The following RERE variants were observed in gnomAD, a reference collection of about 807,000 sequenced individuals.
The protein encoded by RERE is arginine-glutamic acid dipeptide repeats.
In RERE, 40 loss-of-function variants were observed where a neutral mutation model predicts 146.1. The observed-to-expected ratio is 0.27, with a 90% CI of 0.21 to 0.36. The LOEUF is 0.36. Ranked by LOEUF, RERE falls within the 10% of genes least tolerant of loss-of-function variation. The pLI, the probability that RERE is intolerant of heterozygous loss-of-function variation, is 1.00. For synonymous variants in RERE, 1,003 were observed against 866.0 expected (o/e 1.16, Z -2.78); for missense variants, 1,933 against 2,138.7 (o/e 0.90, Z 1.90).
intron 2 of RERE, among the ~76,000 whole-genome samples, chr1:8,654,890 G>T: frequency 6.6e-6 from 1 of 151,796 alleles, no homozygotes; most frequent in East Asian, 1.9e-4. Flanking sequence ...TTCTGTCTCC[G>T]CCTCCCAAAG....
intron 1 of RERE, among the ~76,000 whole-genome samples, chr1:8,661,188 T>G (rs943877706): frequency 2.0e-5 from 3 of 151,878 alleles, no homozygotes; most frequent in African/African-American, 7.3e-5. Context: ...CAAGGACACA[T>G]GAAGGGAGGT....
intron 7 of RERE, among the ~76,000 whole-genome samples, chr1:8,524,521 TCTC>T (rs1177350799): frequency 6.6e-6 from 1 of 152,164 alleles, no homozygotes; most frequent in East Asian, 1.9e-4. Flanking sequence ...GTAAATTTCT[TCTC>T]CTTCCTATGA....
chr1:8,498,018 T>G (rs1047470092), intron 8 of RERE, among the ~76,000 whole-genome samples: 1 of 152,194 alleles, frequency 6.6e-6, no homozygotes, highest in African/African-American at 2.4e-5. Flanking sequence ...AATAGCAATA[T>G]AAGTCATGGT....
chr1:8,729,092 A>G (rs1425776177), intron 1 of RERE, among the ~76,000 whole-genome samples: 1 of 151,500 alleles, frequency 6.6e-6, no homozygotes, highest in Non-Finnish European at 1.5e-5. Flanking sequence ...TGAACCCGGG[A>G]GGTGGAAGCT....
intron 10 of RERE, among the ~76,000 whole-genome samples, chr1:8,477,830 A>G (rs75396900): frequency 1.3e-5 from 2 of 152,260 alleles, no homozygotes; most frequent in Non-Finnish European, 2.9e-5. Context: ...AGTCCACCTA[A>G]TATTTTTGGC....
Position 8,622,706 on chromosome 1 carries a change from T to C in RERE, c.396+1604A>G, listed in dbSNP as rs756267774. Among the ~76,000 whole-genome samples, 4 of 152,232 alleles carry C rather than the reference T, an allele frequency of 2.6e-5. No individual in the cohort carries two copies. In the East Asian group the frequency reaches 5.8e-4, roughly 22 times the overall value. ...TCCATCTTAGAAGTAAATAGCACAT[T>C]TGACTTCATCTTAAAACAGTAAGCA... is the stretch of plus-strand genomic sequence containing the variant. On this transcript the variant is annotated intron_variant, in intron 3 of 22. Coordinates refer to ENST00000400908, the MANE Select transcript of RERE (RefSeq NM_001042681.2).
intron 4 of RERE, among the ~76,000 whole-genome samples, chr1:8,593,143 C>T (rs1409203168): frequency 6.6e-6 from 1 of 152,126 alleles, no homozygotes; most frequent in African/African-American, 2.4e-5. Flanking sequence ...GTCCATTCTC[C>T]CCATTTTCCA....
intron 12 of RERE, among the ~76,000 whole-genome samples, chr1:8,413,427 C>T (rs373591083): frequency 4.6e-5 from 7 of 152,264 alleles, no homozygotes; most frequent in East Asian, 3.9e-4. Context: ...ACTGCAGCCT[C>T]GACCTCCTGG....
chr1:8,773,099 T>TA (rs894026536), intron 1 of RERE, among the ~76,000 whole-genome samples: 6 of 151,878 alleles, frequency 4.0e-5, no homozygotes, highest in African/African-American at 1.5e-4. Context: ...AAAATAAAAA[T>TA]AAAAAAATAA....
intron 1 of RERE, among the ~76,000 whole-genome samples, chr1:8,760,828 C>T (rs1242135355): frequency 6.6e-6 from 1 of 152,150 alleles, no homozygotes; most frequent in Non-Finnish European, 1.5e-5. Context: ...GGATTAGAAG[C>T]AGTGGAGCCA....
intron 1 of RERE, among the ~76,000 whole-genome samples, chr1:8,665,306 C>T (rs1638545520): frequency 6.6e-6 from 1 of 152,204 alleles, no homozygotes; most frequent in African/African-American, 2.4e-5. Flanking sequence ...GCTTCTATCT[C>T]CACCTCCCAG....
In RERE at chr1:8,632,903, C is replaced by G. The variant is rs150657536; in HGVS notation, c.326-8523G>C. ...ATTCTGGAAAGATGTTCTACTAATA[C>G]GGATTTTTTTAAGTTAGCAAAATTC... On this transcript the variant is annotated intron_variant, in intron 2 of 22. Coordinates refer to ENST00000400908, the MANE Select transcript of RERE (RefSeq NM_001042681.2). 3.2e-3 allele frequency among the ~76,000 whole-genome samples: 493 copies of G among 152,154 alleles called. 1 individual carries two copies. The highest frequency in any genetic ancestry group is 5.3e-3 in the Non-Finnish European group (359 of 67,992).
At chr1:8,657,567 C>A (rs1268445323) in intron 1 of RERE, among the ~76,000 whole-genome samples, 1 of 152,124 alleles carries the variant, frequency 6.6e-6, no homozygotes, top group African/African-American at 2.4e-5. Flanking sequence ...GTATTACTGG[C>A]CAGGCGTGGT....
chr1:8,725,503 T>C (rs545783707), intron 1 of RERE, among the ~76,000 whole-genome samples: 45 of 152,184 alleles, frequency 3.0e-4, no homozygotes, highest in South Asian at 6.2e-4. Flanking sequence ...GAGGCAGAGG[T>C]TGCAGTAAGC....
intron 12 of RERE, among the ~76,000 whole-genome samples, chr1:8,412,876 G>C (rs910949083): frequency 1.3e-5 from 2 of 152,180 alleles, no homozygotes; most frequent in Non-Finnish European, 2.9e-5. Flanking sequence ...CTTAAAAAGA[G>C]CATTTCAAAG....
chr1:8,411,359 G>C (rs1454520433), intron 12 of RERE, among the ~76,000 whole-genome samples: 2 of 146,594 alleles, frequency 1.4e-5, no homozygotes, highest in African/African-American at 5.1e-5. Flanking sequence ...TTGCTAGCTT[G>C]CTCGGGCTGA....
intron 7 of RERE, among the ~76,000 whole-genome samples, chr1:8,522,533 T>A (rs926473663): frequency 6.6e-6 from 1 of 152,162 alleles, no homozygotes; most frequent in Non-Finnish European, 1.5e-5. Context: ...ATTCATAAAT[T>A]AACACAGTAG....
At chr1:8,478,933 T>G (rs1644795866) in intron 10 of RERE, among the ~76,000 whole-genome samples, 1 of 152,228 alleles carries the variant, frequency 6.6e-6, no homozygotes, top group Non-Finnish European at 1.5e-5. Context: ...TAGTTATACA[T>G]GACAATTTTG....
At chr1:8,449,282 C>A (rs1306069159) in intron 11 of RERE, among the ~76,000 whole-genome samples, 1 of 152,114 alleles carries the variant, frequency 6.6e-6, no homozygotes, top group African/African-American at 2.4e-5. Flanking sequence ...TTGGATAAAA[C>A]ATGTTACACT....
Sources: allele counts gnomAD v4.1 joint callset (sites outside exome capture counted in the v4.1 genomes callset), GRCh38; gene constraint gnomAD v4.1.1; transcripts MANE v1.5; gene names NCBI Gene and HGNC (gene_info 2026-07-23, HGNC 2026-07-21).